Variants in ARHGAP32 observed in about 807,000 individuals in gnomAD.
ARHGAP32 encodes the protein Rho GTPase activating protein 32.
Under a neutral mutation model 186.5 loss-of-function variants are expected in ARHGAP32, and 51 were observed. The observed-to-expected ratio is 0.27, with a 90% CI of 0.22 to 0.35. The LOEUF (loss-of-function observed/expected upper bound fraction) is 0.35. ARHGAP32 is among the 10% of genes least tolerant of loss of function. The pLI is 1.00. For synonymous variants in ARHGAP32, 950 were observed against 964.3 expected (o/e 0.99, Z 0.27); for missense variants, 2,186 against 2,623.5 (o/e 0.83, Z 3.64).
intron 2 of ARHGAP32, among the ~76,000 whole-genome samples, chr11:129,130,885 A>G (rs185631447): frequency 3.6e-4 from 55 of 152,318 alleles, no homozygotes; most frequent in Admixed American, 1.2e-3. Flanking sequence ...AAACTTGTAC[A>G]TAAATATTAA....
At chr11:129,166,859 C>CT (rs1324794471) in intron 1 of ARHGAP32, among the ~76,000 whole-genome samples, 1 of 151,982 alleles carries the variant, frequency 6.6e-6, no homozygotes, top group Non-Finnish European at 1.5e-5. Flanking sequence ...AAAATAACGT[C>CT]TTATGAAGTT....
intron 1 of ARHGAP32, among the ~76,000 whole-genome samples, chr11:129,221,527 GTGTGTGTTTA>G (rs1565472447): frequency 3.6e-5 from 3 of 83,744 alleles, no homozygotes; most frequent in Non-Finnish European, 8.7e-5. Context: ...GTGTGTGTGT[GTGTGTGTTTA>G]TGGTAAAAAT....
chr11:129,259,138 C>G (rs1945291171), intron 1 of ARHGAP32, among the ~76,000 whole-genome samples: 2 of 152,192 alleles, frequency 1.3e-5, no homozygotes, highest in African/African-American at 4.8e-5. Flanking sequence ...CAAATTGGTA[C>G]ATTAACTTCA....
At chr11:129,205,125 T>C (rs1019638975) in intron 1 of ARHGAP32, among the ~76,000 whole-genome samples, 14 of 152,180 alleles carry the variant, frequency 9.2e-5, no homozygotes, top group African/African-American at 3.4e-4. Flanking sequence ...ATTTGAATGA[T>C]GCATAAATTA....
intron 1 of ARHGAP32, among the ~76,000 whole-genome samples, chr11:129,208,570 G>A (rs945560168): frequency 2.6e-5 from 4 of 151,974 alleles, no homozygotes; most frequent in African/African-American, 7.2e-5. Flanking sequence ...GAGTTCTTAA[G>A]TAAACAAATG....
rs762513902 is a variant in ARHGAP32, at chr11:129,066,829, G to A, written c.571C>T (p.Arg191Trp). ...AGATGAAGATGTTTATCAAGTACCC[G>A]AAAATCTTCATAACTTCTTTTAACA... ...WIVKRSYEDFRVLDKHLHLCI... is the reference protein window; with the variant it reads ...WIVKRSYEDFWVLDKHLHLCI... Residue 191 changes from arginine to tryptophan, a missense_variant, in exon 7 of 23, where the codon CGG becomes TGG. Around this residue, in one of 5 missense-constraint regions of ARHGAP32, gnomAD observed 308 missense variants for 596.5 expected, o/e 0.52. Coordinates refer to ENST00000682385, the MANE Select transcript of ARHGAP32 (RefSeq NM_001378024.1). 1.7e-5 allele frequency: 28 copies of A among 1,610,482 alleles called. No individual in the cohort carries two copies. The highest frequency in any genetic ancestry group is 8.9e-5 in the East Asian group (4 of 44,826).
chr11:128,968,998 C>A lies in ARHGAP32; in HGVS notation c.6215G>T (p.Ser2072Ile). The change falls in exon 23 of 23, where the codon AGC becomes ATC. Residue 2072 changes from serine to isoleucine, a missense_variant. By Grantham distance (142) the Ser-to-Ile change is moderately radical (BLOSUM62 -2). This residue lies in a region of ARHGAP32 where 1,502 missense variants were observed against 1,570.0 expected (regional missense o/e 0.96). Coordinates refer to ENST00000682385, the MANE Select transcript of ARHGAP32 (RefSeq NM_001378024.1). ...YVPPGFPHPQ[S>I]RTYATALGQG... ...ACCCAACGCTGTAGCATAGGTCCTG[C>A]TCTGTGGATGGGGAAAGCCAGGGGG... 1 of 1,609,982 alleles carries A rather than the reference C, an allele frequency of 6.2e-7. No homozygotes were observed. The highest frequency in any genetic ancestry group is 8.5e-7 in the Non-Finnish European group (1 of 1,177,446).
chr11:129,267,214 T>G (rs960263857), intron 1 of ARHGAP32, among the ~76,000 whole-genome samples: 10 of 151,906 alleles, frequency 6.6e-5, no homozygotes, highest in Admixed American at 5.9e-4. Context: ...ATGTAAAAAT[T>G]AACGGGGCAT....
At chr11:129,192,347 G>T, upstream of ARHGAP32, 2 of 634,334 alleles carry the variant, frequency 3.2e-6, no homozygotes, top group Non-Finnish European at 5.6e-6. Flanking sequence ...TACAGTCAGG[G>T]TACAGACAGG....
intron 10 of ARHGAP32, among the ~76,000 whole-genome samples, chr11:129,053,239 CTAA>C (rs1256625107): frequency 6.6e-6 from 1 of 151,882 alleles, no homozygotes; most frequent in Non-Finnish European, 1.5e-5. Context: ...TCTAATGGCA[CTAA>C]TAAGAAAAAG....
intron 2 of ARHGAP32, among the ~76,000 whole-genome samples, chr11:129,157,181 A>G (rs951742820): frequency 1.3e-5 from 2 of 152,142 alleles, no homozygotes; most frequent in Admixed American, 1.3e-4. Flanking sequence ...CCTCCAAGGG[A>G]TCACAACTCC....
At chr11:129,048,670 T>C (rs1427718963) in intron 10 of ARHGAP32, among the ~76,000 whole-genome samples, 1 of 152,170 alleles carries the variant, frequency 6.6e-6, no homozygotes, top group Non-Finnish European at 1.5e-5. Flanking sequence ...GGAATGATAA[T>C]ACTAAGCATA....
At chr11:129,238,756 A>AACACACACACACACACACAC (rs71057936) in intron 1 of ARHGAP32, among the ~76,000 whole-genome samples, 56 of 148,300 alleles carry the variant, frequency 3.8e-4, no homozygotes, top group African/African-American at 1.3e-3. Flanking sequence ...ACTTATTTTA[A>AACACACACACACACACACAC]ACACACACAC....
intron 1 of ARHGAP32, among the ~76,000 whole-genome samples, chr11:129,226,793 A>C (rs761108455): frequency 2.0e-4 from 30 of 152,126 alleles, no homozygotes; most frequent in Non-Finnish European, 2.6e-4. Flanking sequence ...AAATATGATG[A>C]AATTAAGACA....
At position 129,040,835 on chromosome 11, in the gene ARHGAP32, A is replaced by G. The variant is rs547119903; in HGVS notation, c.1045+93T>C. On this transcript the variant is annotated intron_variant, in intron 11 of 22. Coordinates refer to ENST00000682385, the MANE Select transcript of ARHGAP32 (RefSeq NM_001378024.1). ...TAATTATTATGCCTATAAATGCAAA[A>G]CTAGCAAAACAAGCTAAATACTTGA... 9 of 846,576 alleles carry G rather than the reference A, an allele frequency of 1.1e-5. No individual in the cohort carries two copies. The East Asian group carries it at 2.4e-4, about 23-fold the overall frequency. The allele number at this position is 846,576 out of a possible 1,614,324, so 52.4% of individuals were successfully genotyped here. A position where few individuals can be genotyped will look rare whatever the true frequency, so the allele number is the denominator to read the frequency against.
At chr11:129,210,104 G>A (rs1326707601) in intron 1 of ARHGAP32, among the ~76,000 whole-genome samples, 1 of 152,144 alleles carries the variant, frequency 6.6e-6, no homozygotes, top group Non-Finnish European at 1.5e-5. Context: ...TGATGCAGAT[G>A]TCTATGACAA....
chr11:129,089,805 G>C (rs902534594), intron 6 of ARHGAP32, among the ~76,000 whole-genome samples: 2 of 152,174 alleles, frequency 1.3e-5, no homozygotes, highest in Admixed American at 6.5e-5. Flanking sequence ...GCTTGAGCTA[G>C]CTTGGTAACA....
At chr11:129,024,369 T>C (rs1297688427) in intron 11 of ARHGAP32, among the ~76,000 whole-genome samples, 1 of 152,216 alleles carries the variant, frequency 6.6e-6, no homozygotes. Context: ...TTTCAGTTGT[T>C]TGCTAAGTAG....
At position 128,976,631 on chromosome 11, in the gene ARHGAP32, C is replaced by T. The variant is rs759149742; in HGVS notation, c.2126G>A (p.Gly709Asp). Reference protein sequence around the residue: ...SEMKAMALKGGRAEGTLRSAK... With the variant: ...SEMKAMALKGDRAEGTLRSAK... Reference sequence around the variant, plus strand: ...TGAACGGAGGGTTCCTTCTGCCCTGCCACCTGAAGAATAAAAAACACATAG... The same window carrying T: ...TGAACGGAGGGTTCCTTCTGCCCTGTCACCTGAAGAATAAAAAACACATAG... The change falls in exon 20 of 23, where the codon GGC (glycine) becomes GAC (aspartate). Residue 709 changes from glycine (G) to aspartate (D), a missense_variant. Gly to Asp is a moderately conservative substitution (Grantham distance 94, BLOSUM62 -1). This residue lies in a region of ARHGAP32 where 263 missense variants were observed against 323.5 expected (regional missense o/e 0.81). Coordinates refer to ENST00000682385, the MANE Select transcript of ARHGAP32 (RefSeq NM_001378024.1). 1.9e-6 allele frequency: 3 copies of T among 1,613,256 alleles called. No homozygotes were observed. The African/African-American group carries it at 4.0e-5, about 22-fold the overall frequency.
Sources: gnomAD v4.1 joint callset for allele counts (sites outside exome capture counted in the v4.1 genomes callset) on GRCh38, gnomAD v4.1.1 for gene constraint, gnomAD v4.1.1 regional missense constraint, MANE v1.5 for transcripts, NCBI Gene and HGNC (gene_info 2026-07-23, HGNC 2026-07-21) for gene names.